Variants in RBFOX1 observed in about 807,000 individuals in gnomAD.
The protein encoded by RBFOX1 is RNA binding fox-1 homolog 1, also known as RNA binding protein fox-1 homolog 1.
A neutral mutation model predicts 57.7 loss-of-function variants in RBFOX1; 8 were observed. The observed-to-expected ratio is 0.14, with a 90% confidence interval of 0.08 to 0.25. RBFOX1 has a LOEUF of 0.25. Among genes scored for constraint, RBFOX1 ranks in the 10% least tolerant of loss-of-function variants. The probability of loss-of-function intolerance (pLI) is 1.00; values close to 1 mark genes in which losing one functional copy is unlikely to be tolerated. For missense variants in RBFOX1, 611 were observed against 548.5 expected (o/e 1.11, Z -1.14); for synonymous variants, 326 against 222.4 (o/e 1.47, Z -4.15).
At chr16:7,377,698 C>G (rs756208726) in intron 4 of RBFOX1, among the ~76,000 whole-genome samples, 1 of 152,162 alleles carries the variant, frequency 6.6e-6, no homozygotes, top group Non-Finnish European at 1.5e-5. Context: ...TTGTAGAGAA[C>G]CTATCTGGGA....
At chr16:5,756,740 A>G (rs1056971218) in intron 3 of RBFOX1, among the ~76,000 whole-genome samples, 1 of 152,208 alleles carries the variant, frequency 6.6e-6, no homozygotes, top group Non-Finnish European at 1.5e-5. Context: ...TTTGAGCCAA[A>G]GAGACCCCAT....
intron 3 of RBFOX1, among the ~76,000 whole-genome samples, chr16:6,941,173 ACT>A (rs2078381117): frequency 1.3e-5 from 2 of 151,184 alleles, no homozygotes; most frequent in Non-Finnish European, 3.0e-5. Flanking sequence ...CCATCAGCAG[ACT>A]CTCATTCCAT....
intron 4 of RBFOX1, among the ~76,000 whole-genome samples, chr16:7,171,972 A>G (rs562342362): frequency 6.6e-6 from 1 of 152,178 alleles, no homozygotes; most frequent in South Asian, 2.1e-4. Context: ...CTGCCCTGGA[A>G]GCTGTGTAGT....
chr16:6,018,859 G>A (rs1567266653), upstream of RBFOX1, among the ~76,000 whole-genome samples: 1 of 151,980 alleles, frequency 6.6e-6, no homozygotes, highest in Non-Finnish European at 1.5e-5. Flanking sequence ...TGGGCTCATT[G>A]CCCCAGCATC....
At chr16:7,308,408 GCTT>G (rs1030619386) in intron 4 of RBFOX1, among the ~76,000 whole-genome samples, 5 of 151,032 alleles carry the variant, frequency 3.3e-5, no homozygotes, top group Admixed American at 6.6e-5. Flanking sequence ...TTCTAAGAAA[GCTT>G]CTTATCTGTC....
intron 4 of RBFOX1, among the ~76,000 whole-genome samples, chr16:7,512,456 C>T (rs1206707356): frequency 6.6e-6 from 1 of 152,162 alleles, no homozygotes; most frequent in Non-Finnish European, 1.5e-5. Context: ...TGTAATTAGC[C>T]TAAAGTGCAA....
rs116618811 is a variant in RBFOX1 at position 6,867,756 on chromosome 16, G to C, written c.-15-184301G>C. Among the ~76,000 whole-genome samples the C allele has an allele frequency of 6.5e-3, 997 of 152,234 alleles. 16 individuals are homozygous for C. The highest frequency in any genetic ancestry group is 0.023 in the African/African-American group (944 of 41,540). ...AACAGATATTTATCAGTTAATGTGT[G>C]AATTACCCATGGCATCATTACCTTT... On this transcript the variant is annotated intron_variant, in intron 3 of 15. Transcript: ENST00000550418.
At chr16:5,924,399 A>T (rs1336186803) in intron 4 of RBFOX1, among the ~76,000 whole-genome samples, 1 of 152,154 alleles carries the variant, frequency 6.6e-6, no homozygotes, top group East Asian at 1.9e-4. Flanking sequence ...ATGAGGGCTG[A>T]TCCCTCATGA....
At chr16:6,653,966 TGGAC>T (rs796452645) in intron 2 of RBFOX1, among the ~76,000 whole-genome samples, 12,589 of 54,108 alleles carry the variant, frequency 0.23, 747 homozygotes, top group Admixed American at 0.36. Context: ...GATGGATGGT[TGGAC>T]GGATGGATGG....
At chr16:5,311,647 AGTTAT>A (rs2064092152) in intron 1 of RBFOX1, among the ~76,000 whole-genome samples, 1 of 152,090 alleles carries the variant, frequency 6.6e-6, no homozygotes, top group African/African-American at 2.4e-5. Context: ...CCTGATGATG[AGTTAT>A]GTTGAGAATT....
At chr16:6,062,196 G>A (rs1402448927) in intron 1 of RBFOX1, among the ~76,000 whole-genome samples, 1 of 152,142 alleles carries the variant, frequency 6.6e-6, no homozygotes, top group Non-Finnish European at 1.5e-5. Context: ...TAGTTAAGAA[G>A]CTCTCTGAAC....
intron 3 of RBFOX1, among the ~76,000 whole-genome samples, chr16:6,797,469 T>C (rs2084349837): frequency 1.3e-5 from 2 of 152,150 alleles, no homozygotes; most frequent in African/African-American, 4.8e-5. Context: ...TAAACACATA[T>C]ATCCTGTTTC....
intron 3 of RBFOX1, among the ~76,000 whole-genome samples, chr16:5,781,592 G>A (rs546712526): frequency 3.3e-5 from 5 of 152,302 alleles, no homozygotes; most frequent in South Asian, 2.1e-4. Context: ...GGACTCCGCC[G>A]CAACCATCAA....
intron 2 of RBFOX1, among the ~76,000 whole-genome samples, chr16:6,570,334 G>C: frequency 2.0e-5 from 3 of 152,222 alleles, no homozygotes; most frequent in African/African-American, 7.2e-5. Context: ...CATAAGCAAA[G>C]GATTGTGTTC....
At chr16:5,561,114 C>G (rs1193655401) in intron 2 of RBFOX1, among the ~76,000 whole-genome samples, 1 of 152,164 alleles carries the variant, frequency 6.6e-6, no homozygotes, top group Non-Finnish European at 1.5e-5. Context: ...AACACTGTGA[C>G]TATGTCCATC....
At chr16:6,394,889 A>T (rs1366700215) in intron 2 of RBFOX1, among the ~76,000 whole-genome samples, 1 of 152,198 alleles carries the variant, frequency 6.6e-6, no homozygotes, top group Non-Finnish European at 1.5e-5. Flanking sequence ...TCGTGGTGAG[A>T]AAACTAGCAC....
chr16:5,828,620 A>T (rs1274269855), intron 3 of RBFOX1, among the ~76,000 whole-genome samples: 1 of 152,116 alleles, frequency 6.6e-6, no homozygotes, highest in Non-Finnish European at 1.5e-5. Context: ...GATCGGTTGA[A>T]CCCAGGAGGC....
intron 1 of RBFOX1, among the ~76,000 whole-genome samples, chr16:5,259,885 T>A (rs2062690534): frequency 6.6e-6 from 1 of 152,038 alleles, no homozygotes; most frequent in African/African-American, 2.4e-5. Flanking sequence ...GCGGAGTGGG[T>A]ATGATCAGAT....
intron 4 of RBFOX1, among the ~76,000 whole-genome samples, chr16:7,512,046 C>A (rs1016730664): frequency 2.0e-5 from 3 of 152,108 alleles, no homozygotes; most frequent in African/African-American, 4.8e-5. Context: ...CTAGGAACAC[C>A]CACAAGCACC....
Sources: gnomAD v4.1 joint callset for allele counts (sites outside exome capture counted in the v4.1 genomes callset) on GRCh38, gnomAD v4.1.1 for gene constraint, MANE v1.5 for transcripts, NCBI Gene and HGNC (gene_info 2026-07-23, HGNC 2026-07-21) for gene names.